Variants in ETV4 observed in about 807,000 individuals in gnomAD.
The protein encoded by ETV4 is ETS variant transcription factor 4, also known as ETS translocation variant 4.
In ETV4, 42 loss-of-function variants were observed where a neutral mutation model predicts 65.9. That is an observed-to-expected ratio of 0.64 (90% CI 0.50 to 0.82). ETV4 has a LOEUF of 0.82. ETV4 is among the 40% of genes least tolerant of loss of function. The pLI is 0.00. For missense variants in ETV4, 583 were observed against 630.3 expected, an observed-to-expected ratio of 0.92 and a Z score of 0.80; for synonymous variants, 238 against 260.0, an observed-to-expected ratio of 0.92 and a Z score of 0.81.
intron 4 of ETV4, among the ~76,000 whole-genome samples, chr17:43,537,519 C>A (rs1252542189): frequency 6.6e-6 from 1 of 150,470 alleles, no homozygotes. Context: ...CAAAGTGAAA[C>A]TCCCATCTCT....
At chr17:43,544,058 T>G (rs1971667527) in intron 4 of ETV4, 1 of 152,202 alleles carries the variant, frequency 6.6e-6, no homozygotes, top group Admixed American at 6.5e-5. Flanking sequence ...CCTAGTGTTT[T>G]GGCTTCTTCA....
intron 4 of ETV4, among the ~76,000 whole-genome samples, chr17:43,541,704 G>A (rs1971531648): frequency 6.6e-6 from 1 of 152,136 alleles, no homozygotes; most frequent in African/African-American, 2.4e-5. Flanking sequence ...GGGGGTAGAG[G>A]CATTCTCCAG....
intron 4 of ETV4, chr17:43,544,771 T>C (rs1971714176): frequency 7.4e-6 from 4 of 539,412 alleles, no homozygotes; most frequent in African/African-American, 1.9e-5. Flanking sequence ...TGGCTCAGGG[T>C]AGAGAAAATA....
At chr17:43,546,026 G>A in intron 1 of ETV4, 159 bp downstream of exon 1, 1 of 235,646 alleles carries the variant, frequency 4.2e-6, no homozygotes, top group Non-Finnish European at 8.3e-6. Flanking sequence ...ACCATCGCAT[G>A]CCCACAACTC....
At position 43,545,018 on chromosome 17, in the gene ETV4, G is replaced by T. The variant is rs140234269; in HGVS notation, c.159C>A (p.Leu53=). The T allele has an allele frequency of 1.7e-5, 28 of 1,613,822 alleles. No individual in the cohort carries two copies. The African/African-American group carries it at 2.9e-4, about 17-fold the overall frequency. ...CCTGGAAGTGACTTAGATCCTGGAA[G>T]AGATCTGAGGGGTAAATAGTGGAAT... The part of the protein sequence containing the change: ...GSLPPLDSED[L]FQDLSHFQET... The change falls in exon 4 of 13, where the codon CTC becomes CTA. Residue 53 remains leucine (L), a synonymous_variant. Coordinates refer to ENST00000319349, the MANE Select transcript of ETV4 (RefSeq NM_001079675.5).
intron 4 of ETV4, 92 bp from the exon 5 acceptor site, chr17:43,536,571 C>A: frequency 9.2e-7 from 1 of 1,084,412 alleles, no homozygotes; most frequent in Non-Finnish European, 1.4e-6. Context: ...TAGCAACAGC[C>A]AAGAAAGGAC....
intron 2 of ETV4, 54 bp downstream of exon 2, chr17:43,545,504 G>C: frequency 8.0e-7 from 1 of 1,242,914 alleles, no homozygotes; most frequent in Non-Finnish European, 1.1e-6. Context: ...GCTGTGGTGA[G>C]AGTAGGGGCT....
At chr17:43,529,264 G>A in intron 11 of ETV4, 28 bp from the exon 12 acceptor site, 1 of 1,607,066 alleles carries the variant, frequency 6.2e-7, no homozygotes. Context: ...TTGGGGTAGA[G>A]ATGCTACCTT....
intron 8 of ETV4, chr17:43,530,467 G>C: frequency 7.5e-7 from 1 of 1,330,226 alleles, no homozygotes; most frequent in Non-Finnish European, 9.7e-7. Context: ...CCAGGGAGCA[G>C]CTGTTTCCTG....
At chr17:43,534,495 A>G (rs1279406198) in intron 5 of ETV4, among the ~76,000 whole-genome samples, 1 of 151,522 alleles carries the variant, frequency 6.6e-6, no homozygotes, top group Non-Finnish European at 1.5e-5. Context: ...CTCCGTCTCA[A>G]AAAGAAACAA....
chr17:43,543,409 T>C (rs1330646762), intron 4 of ETV4, among the ~76,000 whole-genome samples: 1 of 151,352 alleles, frequency 6.6e-6, no homozygotes, highest in Non-Finnish European at 1.5e-5. Flanking sequence ...AGCATTTTCC[T>C]CCCCCTCCCA....
At position 43,529,869 on chromosome 17, in the gene ETV4, A is replaced by T. The variant is rs1276763169; in HGVS notation, c.955+15T>A. ...ATAAGACCTTGACCCTCCCATCAAC[A>T]GTCACTTCTCTGACCTTCAAATTTC... On this transcript the variant is annotated intron_variant, in intron 10 of 12. Coordinates refer to ENST00000319349, the MANE Select transcript of ETV4 (RefSeq NM_001079675.5). The T allele has an allele frequency of 6.2e-7, 1 of 1,613,862 alleles. No homozygotes were observed. The highest frequency in any genetic ancestry group is 8.5e-7 in the Non-Finnish European group (1 of 1,179,900).
intron 2 of ETV4, 87 bp from the exon 3 acceptor site, chr17:43,545,454 C>G (rs537158308): frequency 4.3e-4 from 472 of 1,103,856 alleles, no homozygotes; most frequent in Middle Eastern, 6.4e-4. Context: ...GACTCAGGGG[C>G]GGGGCAGCCC....
At chr17:43,532,158 C>T (rs137888546) in intron 8 of ETV4, among the ~76,000 whole-genome samples, 7 of 152,312 alleles carry the variant, frequency 4.6e-5, no homozygotes, top group Admixed American at 2.0e-4. Flanking sequence ...CACCATGCCC[C>T]GGGGGCCCCC....
Position 43,533,963 on chromosome 17 carries a change from G to A in ETV4, c.279C>T (p.Thr93=). The A allele has an allele frequency of 1.3e-6, 2 of 1,540,914 alleles. No homozygotes were observed. Among genetic ancestry groups the A allele is most frequent in the Non-Finnish European group, 1.7e-6 (2 of 1,154,926 alleles). ...SENLAFHSPT[T]RIKKEPQSPR... ...GACTCTGGGGCTCCTTCTTGATCCT[G>A]GTGGTGGGGCTGTGGAAAGCTACTG... The change falls in exon 6 of 13, where the codon ACC becomes ACT. Residue 93 remains threonine (T), a synonymous_variant. Transcript: ENST00000319349.
At chr17:43,530,460 G>C in intron 8 of ETV4, 1 of 1,342,576 alleles carries the variant, frequency 7.4e-7, no homozygotes, top group Non-Finnish European at 9.6e-7. Context: ...CAAGCTGCCA[G>C]GGAGCAGCTG....
At position 43,545,278 on chromosome 17, in the gene ETV4, A is replaced by G. The variant is rs746213498; in HGVS notation, c.150T>C (p.Ser50=). 36 of 1,604,822 alleles carry G rather than the reference A, an allele frequency of 2.2e-5. No individual in the cohort carries two copies. Among genetic ancestry groups the G allele is most frequent in the Non-Finnish European group, 2.6e-5 (30 of 1,175,978 alleles). ...TTTGTCTCTCTTGCTCTTTACCTTCAGAGTCGAGGGGCGGCAGGGAGCCCG... is the reference window on the plus strand; with the variant it reads ...TTTGTCTCTCTTGCTCTTTACCTTCGGAGTCGAGGGGCGGCAGGGAGCCCG... ...MDPGSLPPLD[S]EDLFQDLSHF... Residue 50 remains serine, a synonymous_variant, in exon 3 of 13, where the codon TCT becomes TCC. Transcript: ENST00000319349.
At position 43,528,239 on chromosome 17, in the gene ETV4, G is replaced by A. The variant is rs180992684; in HGVS notation, c.*280C>T. 6.3e-5 allele frequency: 23 copies of A among 364,888 alleles called. No homozygotes were observed. In the Admixed American group the frequency reaches 9.3e-4, roughly 15 times the overall value. 22.6% of individuals were successfully genotyped at this position (364,888 alleles called of 1,614,324 possible). A position where few individuals can be genotyped will look rare whatever the true frequency, so the allele number is the denominator to read the frequency against. On this transcript the variant is annotated 3_prime_UTR_variant, in exon 13 of 13. Transcript: ENST00000319349. ...TTCTCTGTGGTTGGGGAAAAGGTGT[G>A]GGGGGCTTGGACCTAGGAAGAAGCT... is the stretch of plus-strand genomic sequence containing the variant.
At chr17:43,530,044 C>T in intron 9 of ETV4, 63 bp downstream of exon 9, 2 of 1,608,928 alleles carry the variant, frequency 1.2e-6, no homozygotes, top group Non-Finnish European at 1.7e-6. Flanking sequence ...GGAGACCCTC[C>T]CCCATGGCAG....
Sources: allele counts gnomAD v4.1 joint callset (sites outside exome capture counted in the v4.1 genomes callset), GRCh38; gene constraint gnomAD v4.1.1; transcripts MANE v1.5; gene names NCBI Gene and HGNC (gene_info 2026-07-23, HGNC 2026-07-21).